Variants in AMD1 observed in about 807,000 individuals in gnomAD.
The protein encoded by AMD1 is S-adenosylmethionine decarboxylase proenzyme.
In AMD1, 11 loss-of-function variants were observed where a neutral mutation model predicts 40.2. The observed-to-expected ratio is 0.27, with a 90% confidence interval of 0.17 to 0.45. AMD1 has a LOEUF of 0.45. Among genes scored for constraint, AMD1 ranks in the 20% least tolerant of loss-of-function variants. The probability of loss-of-function intolerance (pLI) is 1.00; values close to 1 mark genes in which losing one functional copy is unlikely to be tolerated. For missense variants in AMD1, 257 were observed against 410.2 expected (o/e 0.63, Z 3.23); for synonymous variants, 121 against 130.8 (o/e 0.93, Z 0.51).
chr6:110,824,248 A>G, the AMD1 span, among the ~76,000 whole-genome samples: 2 of 152,246 alleles, frequency 1.3e-5, no homozygotes, highest in African/African-American at 2.4e-5. Flanking sequence ...TTCATAAAAA[A>G]GAATGAAATA....
chr6:110,862,167 C>G, the AMD1 span, among the ~76,000 whole-genome samples: 9 of 151,552 alleles, frequency 5.9e-5, no homozygotes, highest in African/African-American at 1.9e-4. Context: ...TGCCACCATA[C>G]TTCGCTAATT....
chr6:110,839,394 G>T, the AMD1 span, among the ~76,000 whole-genome samples: 1 of 152,092 alleles, frequency 6.6e-6, no homozygotes, highest in Non-Finnish European at 1.5e-5. Flanking sequence ...AATAACACAC[G>T]TTTCTGACCA....
the AMD1 span, among the ~76,000 whole-genome samples, chr6:110,840,349 A>C: frequency 9.9e-5 from 15 of 151,178 alleles, no homozygotes; most frequent in African/African-American, 3.7e-4. Flanking sequence ...CAAGACCACC[A>C]CCCCCTTCAC....
the AMD1 span, among the ~76,000 whole-genome samples, chr6:110,840,188 A>G: frequency 6.6e-6 from 1 of 151,870 alleles, no homozygotes; most frequent in East Asian, 1.9e-4. Context: ...GGCCGTTCTC[A>G]GGATTCTCTA....
At chr6:110,816,917 A>G in the AMD1 span, among the ~76,000 whole-genome samples, 4 of 152,150 alleles carry the variant, frequency 2.6e-5, no homozygotes, top group Non-Finnish European at 4.4e-5. Context: ...AGGATGTAAT[A>G]TAAGTGTCAA....
At chr6:110,880,796 A>G (rs1785367586) in intron 1 of AMD1, among the ~76,000 whole-genome samples, 1 of 152,024 alleles carries the variant, frequency 6.6e-6, no homozygotes, top group Non-Finnish European at 1.5e-5. Context: ...CCTCAGCCTC[A>G]CGAGTAGCTG....
Position 110,874,813 on chromosome 6 carries a change from C to T in AMD1, c.-293C>T, listed in dbSNP as rs1463518610. The T allele has an allele frequency of 2.6e-5, 8 of 313,568 alleles. No homozygotes were observed. Among genetic ancestry groups the T allele is most frequent in the South Asian group, 4.3e-5 (1 of 23,312 alleles). The allele number at this position is 313,568 out of a possible 1,614,324, so 19.4% of individuals were successfully genotyped here. On this transcript the variant is annotated 5_prime_UTR_variant, in exon 1 of 9. Coordinates refer to ENST00000368885, the MANE Select transcript of AMD1 (RefSeq NM_001634.6). ...TACACAGTATGGCCGGCGACATTAG[C>T]TAGCGCTCGCTCTACTCTCTCTAAC... is the stretch of plus-strand genomic sequence containing the variant.
chr6:110,868,919 G>C, the AMD1 span, among the ~76,000 whole-genome samples: 1 of 151,814 alleles, frequency 6.6e-6, no homozygotes, highest in Admixed American at 6.6e-5. Context: ...AATTAGCCAG[G>C]TGTGGTGGCG....
the AMD1 span, chr6:110,815,174 C>A: frequency 4.5e-6 from 7 of 1,553,108 alleles, no homozygotes; most frequent in Admixed American, 1.1e-4. Flanking sequence ...ACGCGGGGGC[C>A]GCCGCCGCTC....
the AMD1 span, among the ~76,000 whole-genome samples, chr6:110,841,196 A>G: frequency 4.6e-5 from 7 of 152,190 alleles, no homozygotes; most frequent in Non-Finnish European, 1.0e-4. Flanking sequence ...TATTTTTAGT[A>G]GAGATGGGGT....
chr6:110,830,308 C>T, the AMD1 span, among the ~76,000 whole-genome samples: 1 of 152,110 alleles, frequency 6.6e-6, no homozygotes, highest in African/African-American at 2.4e-5. Context: ...GCCACCGTGC[C>T]CGGCCAGGAT....
intron 1 of AMD1, among the ~76,000 whole-genome samples, chr6:110,877,100 G>A (rs1785154104): frequency 6.6e-6 from 1 of 152,178 alleles, no homozygotes; most frequent in African/African-American, 2.4e-5. Context: ...TTGTTTTACT[G>A]CTCCAGTGTG....
chr6:110,852,982 C>CTT, the AMD1 span, among the ~76,000 whole-genome samples: 262 of 111,466 alleles, frequency 2.4e-3, 2 homozygotes, highest in African/African-American at 6.5e-3. Flanking sequence ...TAATTAAGCA[C>CTT]TTTTTTTTTT....
the AMD1 span, among the ~76,000 whole-genome samples, chr6:110,854,013 T>C: frequency 6.6e-6 from 1 of 152,206 alleles, no homozygotes; most frequent in Non-Finnish European, 1.5e-5. Context: ...ACGGTGGAAC[T>C]TGGCAGGGGT....
chr6:110,858,926 C>A, the AMD1 span: 1 of 939,722 alleles, frequency 1.1e-6, no homozygotes, highest in Non-Finnish European at 1.8e-6. Context: ...CGGTTGACAC[C>A]AAGCTGGGAA....
chr6:110,814,816 G>A, the AMD1 span: 3 of 739,938 alleles, frequency 4.1e-6, no homozygotes, highest in South Asian at 1.5e-5. Context: ...GGAGTTCGAG[G>A]TACGCGACGG....
At chr6:110,859,277 G>C in the AMD1 span, 1 of 365,294 alleles carries the variant, frequency 2.7e-6, no homozygotes, top group Non-Finnish European at 5.2e-6. Context: ...GTGGCGGTGT[G>C]GGATCAGGGA....
intron 1 of AMD1, among the ~76,000 whole-genome samples, chr6:110,880,774 G>A (rs1019821281): frequency 8.5e-5 from 13 of 152,232 alleles, no homozygotes; most frequent in African/African-American, 3.1e-4. Context: ...CTGGGTTCAA[G>A]TGATTCTCCT....
chr6:110,829,920 C>G, the AMD1 span, among the ~76,000 whole-genome samples: 1 of 152,124 alleles, frequency 6.6e-6, no homozygotes, highest in Non-Finnish European at 1.5e-5. Context: ...TTCTAACATT[C>G]AGTGGCTCAG....
Sources: gnomAD v4.1 joint callset for allele counts (sites outside exome capture counted in the v4.1 genomes callset) on GRCh38, gnomAD v4.1.1 for gene constraint, MANE v1.5 for transcripts, NCBI Gene and HGNC (gene_info 2026-07-23, HGNC 2026-07-21) for gene names.